Variants in LY75 observed in about 807,000 individuals in gnomAD.
The protein encoded by LY75 is C-type lectin domain family 13 member B.
A neutral mutation model predicts 231.7 loss-of-function variants in LY75; 185 were observed. The ratio of observed to expected loss-of-function variants is 0.80; its 90% CI spans 0.71 to 0.90. The LOEUF is 0.90. Ranked by LOEUF, LY75 falls within the 40% of genes least tolerant of loss-of-function variation. The pLI is 0.00. For synonymous variants in LY75, 668 were observed against 689.0 expected, an observed-to-expected ratio of 0.97 and a Z score of 0.48; for missense variants, 1,947 against 2,050.2, an observed-to-expected ratio of 0.95 and a Z score of 0.97.
rs368109315 is a variant in LY75, at chr2:159,869,310, A to G, written c.2117+3141T>C. Among the ~76,000 whole-genome samples the G allele has an allele frequency of 2.6e-5, 4 of 152,158 alleles. No homozygotes were observed. In the East Asian group the frequency reaches 7.7e-4, roughly 29 times the overall value. On this transcript the variant is annotated intron_variant, in intron 13 of 34. Coordinates refer to ENST00000263636, the MANE Select transcript of LY75 (RefSeq NM_002349.4). ...ACTTAAAGTATAATAATAAAAAAAA[A>G]AAAGAAAAAGAAAGGCCATGGTCCA... is the stretch of plus-strand genomic sequence containing the variant.
At chr2:159,874,279 A>ATATATGTT (rs1425157643) in intron 12 of LY75, among the ~76,000 whole-genome samples, 10 of 11,464 alleles carry the variant, frequency 8.7e-4, no homozygotes, top group African/African-American at 2.8e-3. Flanking sequence ...ATATAAATAT[A>ATATATGTT]TTGTAAATAT....
rs149581204 is a variant in LY75 at position 159,855,074 on chromosome 2, C to T, written c.2384-135G>A. The T allele has an allele frequency of 6.2e-3, 6,807 of 1,090,058 alleles. 28 individuals carry two copies. Among genetic ancestry groups the T allele is most frequent in the Non-Finnish European group, 7.6e-3 (5,748 of 754,394 alleles). The allele number at this position is 1,090,058 out of a possible 1,614,324, so 67.5% of individuals were successfully genotyped here. A position where few individuals can be genotyped will look rare whatever the true frequency, so the allele number is the denominator to read the frequency against. On this transcript the variant is annotated intron_variant, in intron 16 of 34. Transcript: ENST00000263636. The stretch of plus-strand genomic sequence containing the variant: ...GTCCATTTCTGGCCAACCCACTTCA[C>T]GTTTTGATCACTTTAGTTGTATTTT...
At chr2:159,828,917 GATTTC>G (rs1048379896) in intron 28 of LY75, among the ~76,000 whole-genome samples, 2 of 152,254 alleles carry the variant, frequency 1.3e-5, no homozygotes, top group African/African-American at 4.8e-5. Context: ...CACATGGTAT[GATTTC>G]ATTTATGTAA....
chr2:159,808,676 G>A, intron 32 of LY75, 105 bp from the exon 33 acceptor site: 1 of 1,457,112 alleles, frequency 6.9e-7, no homozygotes, highest in Non-Finnish European at 9.1e-7. Context: ...CAAGATCATT[G>A]ATAAATTCAA....
intron 34 of LY75, among the ~76,000 whole-genome samples, chr2:159,805,981 C>T (rs1299802827): frequency 6.6e-6 from 1 of 152,174 alleles, no homozygotes; most frequent in African/African-American, 2.4e-5. Context: ...ACTTGTTCTG[C>T]CTTAGGCTCT....
chr2:159,867,971 T>G (rs1413444092), intron 13 of LY75, among the ~76,000 whole-genome samples: 1 of 152,220 alleles, frequency 6.6e-6, no homozygotes, highest in African/African-American at 2.4e-5. Flanking sequence ...TGGCATGCAA[T>G]ACACAATTTG....
chr2:159,831,547 G>T, intron 28 of LY75, 123 bp downstream of exon 28: 1 of 1,046,140 alleles, frequency 9.6e-7, no homozygotes, highest in Non-Finnish European at 1.4e-6. Flanking sequence ...TGTAAGTTAT[G>T]CTAAGTACAT....
Position 159,898,993 on chromosome 2 carries a change from A to C in LY75, c.161T>G (p.Ile54Arg). The C allele has an allele frequency of 6.2e-7, 1 of 1,614,226 alleles. No homozygotes were observed. ...GKCIKPVYGW[I>R]VADDCDETED... ...AGTTTCATCACAGTCGTCTGCTACT[A>C]TCCAGCCATACACTGGCTTGATGCA... The change falls in exon 2 of 35, where the codon ATA (isoleucine) becomes AGA (arginine). Residue 54 changes from isoleucine (I) to arginine (R), a missense_variant. Physicochemically the swap from Ile to Arg is moderately conservative, Grantham distance 97. Transcript: ENST00000263636.
rs1683278560 is a variant in LY75, at chr2:159,821,232, TGAAG to T, written c.3959-1316_3959-1313del. On this transcript the variant is annotated intron_variant, in intron 28 of 34. Transcript: ENST00000263636. ...TCCACATGTAAAAAAAAAAAAAAAA[TGAAG>T]TTGGACCCCTTTCTTTCACCACACA... is the stretch of plus-strand genomic sequence containing the variant. Among the ~76,000 whole-genome samples, 6 of 137,646 alleles carry T rather than the reference TGAAG, an allele frequency of 4.4e-5. 1 individual carries two copies. Among genetic ancestry groups the T allele is most frequent in the Admixed American group, 1.4e-4 (2 of 14,046 alleles). 90.3% of individuals were successfully genotyped at this position (137,646 alleles called of 152,430 possible).
At chr2:159,897,252 T>C (rs890779528) in intron 2 of LY75, among the ~76,000 whole-genome samples, 1 of 152,240 alleles carries the variant, frequency 6.6e-6, no homozygotes, top group Non-Finnish European at 1.5e-5. Flanking sequence ...TTATCCTTTC[T>C]GATCCCTGGA....
intron 12 of LY75, among the ~76,000 whole-genome samples, chr2:159,874,810 A>G (rs1685196283): frequency 8.6e-6 from 1 of 116,416 alleles, no homozygotes; most frequent in African/African-American, 3.2e-5. Flanking sequence ...TATATTTTGT[A>G]AATTTATGTA....
chr2:159,844,036 G>A (rs1469348), intron 23 of LY75, among the ~76,000 whole-genome samples: 97,001 of 151,752 alleles, frequency 0.64, 31,806 homozygotes, highest in Non-Finnish European at 0.72. Flanking sequence ...AAACTTTCAG[G>A]GAAAGAGAAT....
Position 159,853,643 on chromosome 2 carries a change from C to A in LY75, c.2650G>T (p.Asp884Tyr). The A allele has an allele frequency of 6.2e-7, 1 of 1,613,474 alleles. No homozygotes were observed. Among genetic ancestry groups the A allele is most frequent in the Non-Finnish European group, 8.5e-7 (1 of 1,179,816 alleles). Residue 884 changes from aspartate to tyrosine, a missense_variant, in exon 19 of 35, where the codon GAT becomes TAT. Physicochemically the swap from Asp to Tyr is radical, Grantham distance 160. Transcript: ENST00000263636. ...WIRISEWPIDDHFTYSRYPWH... is the reference protein window; with the variant it reads ...WIRISEWPIDYHFTYSRYPWH... ...GATGTCACCTACTATGTAAAATGAT[C>A]ATCTATTGGCCACTCGCTAATTCTT...
intron 18 of LY75, among the ~76,000 whole-genome samples, chr2:159,854,151 G>A (rs1182494988): frequency 6.6e-6 from 1 of 152,024 alleles, no homozygotes; most frequent in Admixed American, 6.6e-5. Flanking sequence ...ACCTTATAAA[G>A]TGACATTTAT....
At chr2:159,809,306 T>A (rs1682882582) in intron 32 of LY75, among the ~76,000 whole-genome samples, 2 of 152,224 alleles carry the variant, frequency 1.3e-5, no homozygotes, top group Admixed American at 1.3e-4. Flanking sequence ...ATCAAATTTG[T>A]CACGGGAAAG....
intron 14 of LY75, 148 bp from the exon 15 acceptor site, chr2:159,861,037 A>AGTCCT: frequency 2.7e-6 from 2 of 734,742 alleles, no homozygotes; most frequent in Non-Finnish European, 4.5e-6. Context: ...CATGATGCTA[A>AGTCCT]ATCATGAGAG....
At chr2:159,864,600 T>A (rs1684804612) in intron 14 of LY75, among the ~76,000 whole-genome samples, 1 of 152,136 alleles carries the variant, frequency 6.6e-6, no homozygotes, top group South Asian at 2.1e-4. Context: ...TTGGTCTAAG[T>A]GTCTGTTTTT....
chr2:159,876,825 G>A (rs1372493867), intron 11 of LY75, among the ~76,000 whole-genome samples: 1 of 151,744 alleles, frequency 6.6e-6, no homozygotes, highest in Non-Finnish European at 1.5e-5. Flanking sequence ...GGCCAAAATG[G>A]TGAAACTCCG....
At chr2:159,886,636 A>G (rs1685595733) in intron 4 of LY75, 106 bp from the exon 5 acceptor site, 1 of 1,160,794 alleles carries the variant, frequency 8.6e-7, no homozygotes, top group African/African-American at 1.5e-5. Context: ...CTTGATTGTA[A>G]GGCAGCAATC....
Sources: allele counts gnomAD v4.1 joint callset (sites outside exome capture counted in the v4.1 genomes callset), GRCh38; gene constraint gnomAD v4.1.1; transcripts MANE v1.5; gene names NCBI Gene and HGNC (gene_info 2026-07-23, HGNC 2026-07-21).